Variants in SYT12 observed in about 807,000 individuals in gnomAD.
SYT12 encodes the protein synaptotagmin-12.
A neutral mutation model predicts 39.5 loss-of-function variants in SYT12; 27 were observed. The observed-to-expected ratio is 0.68, with a 90% CI of 0.50 to 0.94. The LOEUF is 0.94. Among genes scored for constraint, SYT12 ranks in the 40% least tolerant of loss-of-function variants. SYT12 has a pLI of 0.00. For missense variants in SYT12, 536 were observed against 572.6 expected, an observed-to-expected ratio of 0.94 and a Z score of 0.65; for synonymous variants, 233 against 239.7, an observed-to-expected ratio of 0.97 and a Z score of 0.26.
intron 1 of SYT12, chr11:67,009,741 A>G (rs1255343853): frequency 6.6e-6 from 1 of 152,300 alleles, no homozygotes; most frequent in African/African-American, 2.4e-5. Context: ...CAGACACTAT[A>G]AATGTGTTAG....
intron 7 of SYT12, among the ~76,000 whole-genome samples, chr11:67,047,369 G>A (rs1854591980): frequency 6.9e-6 from 1 of 144,254 alleles, no homozygotes; most frequent in South Asian, 2.2e-4. Flanking sequence ...CCAGGTTCAA[G>A]TGATTCTCCT....
chr11:67,014,213 T>C (rs147284465), intron 3 of SYT12, among the ~76,000 whole-genome samples: 1 of 152,306 alleles, frequency 6.6e-6, no homozygotes, highest in Non-Finnish European at 1.5e-5. Flanking sequence ...AGGACTCAGA[T>C]GTATCTTTTT....
chr11:67,017,679 G>C (rs1950068873), intron 3 of SYT12, among the ~76,000 whole-genome samples: 1 of 150,922 alleles, frequency 6.6e-6, no homozygotes, highest in Non-Finnish European at 1.5e-5. Flanking sequence ...AATTTTAAAG[G>C]CCAGGCGCAG....
intron 3 of SYT12, among the ~76,000 whole-genome samples, chr11:67,012,020 C>T (rs1950016695): frequency 6.6e-6 from 1 of 150,412 alleles, no homozygotes; most frequent in South Asian, 2.2e-4. Flanking sequence ...ACCTCGGCCT[C>T]CCAAAGTGCT....
intron 3 of SYT12, among the ~76,000 whole-genome samples, chr11:67,037,127 C>T (rs563231173): frequency 2.6e-5 from 4 of 152,002 alleles, no homozygotes; most frequent in East Asian, 1.9e-4. Flanking sequence ...TGGTGGCAGG[C>T]GCCTGTAATT....
At chr11:67,011,323 A>G (rs1292111029) in intron 3 of SYT12, among the ~76,000 whole-genome samples, 4 of 152,154 alleles carry the variant, frequency 2.6e-5, no homozygotes, top group South Asian at 2.1e-4. Context: ...GCTCACTGCA[A>G]TCTCCACCTC....
At chr11:67,009,459 C>G (rs12290429) in intron 1 of SYT12, among the ~76,000 whole-genome samples, 3 of 152,040 alleles carry the variant, frequency 2.0e-5, no homozygotes, top group Non-Finnish European at 2.9e-5. Flanking sequence ...ACCTGGCTAA[C>G]TTTTGTATTT....
chr11:67,007,334 C>T (rs1409144343), exon 1 of SYT12: 1 of 152,280 alleles, frequency 6.6e-6, no homozygotes, highest in African/African-American at 2.4e-5. Flanking sequence ...AGGGCCTTCC[C>T]AGGGACTGCA....
intron 3 of SYT12, 89 bp downstream of exon 3, chr11:67,034,927 G>A (rs1950330643): frequency 1.4e-5 from 14 of 1,002,412 alleles, no homozygotes; most frequent in Admixed American, 3.3e-5. Flanking sequence ...CTCTCCCTCC[G>A]TCACCACCTC....
intron 2 of SYT12, 81 bp from the exon 3 acceptor site, chr11:67,034,564 A>G (rs1950323248): frequency 7.0e-6 from 9 of 1,282,182 alleles, no homozygotes; most frequent in Non-Finnish European, 9.6e-6. Flanking sequence ...TATCCATTCA[A>G]TGTAGAAGTC....
intron 3 of SYT12, among the ~76,000 whole-genome samples, chr11:67,017,359 A>AT (rs1950066464): frequency 7.1e-6 from 1 of 141,238 alleles, no homozygotes; most frequent in African/African-American, 2.5e-5. Flanking sequence ...CCATTTCTAC[A>AT]ATTTTTTTTT....
Position 67,048,865 on chromosome 11 carries a change from C to CA in SYT12, c.*108_*109insA. The CA allele has an allele frequency of 1.5e-6, 2 of 1,326,692 alleles. No homozygotes were observed. The highest frequency in any genetic ancestry group is 2.1e-5 in the Admixed American group (1 of 46,516). 82.2% of individuals were successfully genotyped at this position (1,326,692 alleles called of 1,614,324 possible). On this transcript the variant is annotated 3_prime_UTR_variant, in exon 8 of 8. Coordinates refer to ENST00000527043, the MANE Select transcript of SYT12 (RefSeq NM_177963.4). ...AGCTGGAGCCGTGAACACTGGGGTC[C>CA]CCTGGCAGAGTCCTCATGACCCATC...
intron 2 of SYT12, chr11:67,010,266 C>G (rs1950004362): frequency 6.6e-6 from 1 of 152,634 alleles, no homozygotes; most frequent in South Asian, 2.1e-4. Flanking sequence ...CTCATCCACT[C>G]TGCCCCACAG....
rs914889459 is a variant in SYT12 at position 67,050,043 on chromosome 11, G to GC, written c.*1287dup. On this transcript the variant is annotated 3_prime_UTR_variant, in exon 8 of 8. Transcript: ENST00000527043. The stretch of plus-strand genomic sequence containing the variant: ...GCTCAGGCTGGATGGAGGAAGCCAC[G>GC]CAAGTGTGGCTTCAAGATCCATCGC... 1.4e-4 allele frequency: 21 copies of GC among 152,164 alleles called. No individual in the cohort carries two copies. The highest frequency in any genetic ancestry group is 5.1e-4 in the African/African-American group (21 of 41,416). The allele number at this position is 152,164 out of a possible 1,614,324, so 9.4% of individuals were successfully genotyped here.
chr11:67,035,863 T>TC, intron 3 of SYT12, among the ~76,000 whole-genome samples: 1 of 136,820 alleles, frequency 7.3e-6, no homozygotes, highest in African/African-American at 3.1e-5. Context: ...TCTTTCTTTC[T>TC]TTCTTTCTTT....
chr11:67,021,269 G>T (rs1044500583), upstream of SYT12, among the ~76,000 whole-genome samples: 5 of 151,732 alleles, frequency 3.3e-5, no homozygotes, highest in African/African-American at 1.2e-4. Context: ...GCTCACTCCC[G>T]CCCCTGCATC....
Position 67,048,702 on chromosome 11 carries a change from T to C in SYT12, c.1211T>C (p.Met404Thr), listed in dbSNP as rs1854650864. The change falls in exon 8 of 8, where the codon ATG (methionine) becomes ACG (threonine). Residue 404 changes from methionine (M) to threonine (T), a missense_variant. Met to Thr is a moderately conservative substitution (Grantham distance 81). Coordinates refer to ENST00000527043, the MANE Select transcript of SYT12 (RefSeq NM_177963.4). ...ATGGGAACCACACATTGGAACCAGA[T>C]GTTGGCCACGCTGCGCAGGCCCGTG... is the stretch of plus-strand genomic sequence containing the variant. ...SGMGTTHWNQ[M>T]LATLRRPVSM... 5.6e-6 allele frequency: 9 copies of C among 1,611,796 alleles called. No homozygotes were observed. The highest frequency in any genetic ancestry group is 5.9e-6 in the Non-Finnish European group (7 of 1,178,280).
chr11:67,043,624 C>T lies in SYT12; in HGVS notation c.622-14C>T, dbSNP rs987019459. ...TCAGGCCCCTAGCGCCCTCCATGGCCTTTTCTCCTGCAGATCCAGAGAAAT... is the reference window on the plus strand; with the variant it reads ...TCAGGCCCCTAGCGCCCTCCATGGCTTTTTCTCCTGCAGATCCAGAGAAAT... On this transcript the variant is annotated splice_polypyrimidine_tract_variant and intron_variant, in intron 4 of 7. Coordinates refer to ENST00000527043, the MANE Select transcript of SYT12 (RefSeq NM_177963.4). 1.2e-6 allele frequency: 2 copies of T among 1,613,772 alleles called. No homozygotes were observed. Among genetic ancestry groups the T allele is most frequent in the East Asian group, 4.5e-5 (2 of 44,900 alleles).
intron 2 of SYT12, among the ~76,000 whole-genome samples, chr11:67,033,713 G>T (rs1950311536): frequency 6.6e-6 from 1 of 152,186 alleles, no homozygotes. Flanking sequence ...GAGCAGTTTA[G>T]AGAACTGTAT....
Sources: gnomAD v4.1 joint callset for allele counts (sites outside exome capture counted in the v4.1 genomes callset) on GRCh38, gnomAD v4.1.1 for gene constraint, MANE v1.5 for transcripts, NCBI Gene and HGNC (gene_info 2026-07-23, HGNC 2026-07-21) for gene names.